The following FAF1 variants were observed in gnomAD, a reference collection of about 807,000 sequenced individuals.
FAF1 encodes FAS-associated factor 1.
A neutral mutation model predicts 92.5 loss-of-function variants in FAF1; 25 were observed. The ratio of observed to expected loss-of-function variants is 0.27; its 90% confidence interval spans 0.20 to 0.38. The LOEUF (loss-of-function observed/expected upper bound fraction) is 0.38, where lower values mean the gene tolerates loss of function less well. Ranked by LOEUF, FAF1 falls within the 10% of genes least tolerant of loss-of-function variation. The pLI, the probability that FAF1 is intolerant of heterozygous loss-of-function variation, is 1.00. For missense variants in FAF1, 636 were observed against 793.3 expected (o/e 0.80, Z 2.38); for synonymous variants, 234 against 273.2 (o/e 0.86, Z 1.42).
At position 50,475,504 on chromosome 1, in the gene FAF1, C is replaced by A; in HGVS notation, c.1829G>T (p.Trp610Leu). 6.2e-7 allele frequency: 1 copy of A among 1,614,100 alleles called. No individual in the cohort carries two copies. Among genetic ancestry groups the A allele is most frequent in the Non-Finnish European group, 8.5e-7 (1 of 1,179,974 alleles). The change falls in exon 18 of 19, where the codon TGG (tryptophan) becomes TTG (leucine). Residue 610 changes from tryptophan to leucine, a missense_variant. Physicochemically the swap from Trp to Leu is moderately conservative, Grantham distance 61. Coordinates refer to ENST00000396153, the MANE Select transcript of FAF1 (RefSeq NM_007051.3). Reference sequence around the variant, plus strand: ...GGTGCTCAGTAACTTGTACTCATCCCATGGAAATCCTTTGGAAGCTACAAA... The same window carrying A: ...GGTGCTCAGTAACTTGTACTCATCCAATGGAAATCCTTTGGAAGCTACAAA... ...FDFVASKGFP[W>L]DEYKLLSTFP...
intron 6 of FAF1, among the ~76,000 whole-genome samples, chr1:50,716,333 A>T (rs1658170661): frequency 6.6e-6 from 1 of 152,236 alleles, no homozygotes; most frequent in East Asian, 1.9e-4. Flanking sequence ...AGCTAAACTA[A>T]CCCATAGCCC....
At chr1:50,779,477 G>A (rs1189014211) in intron 4 of FAF1, among the ~76,000 whole-genome samples, 1 of 151,952 alleles carries the variant, frequency 6.6e-6, no homozygotes, top group Non-Finnish European at 1.5e-5. Context: ...CATGATCCAT[G>A]GGCTGCAGAA....
chr1:50,633,854 ATC>A (rs1436772307), intron 8 of FAF1, among the ~76,000 whole-genome samples: 1 of 152,210 alleles, frequency 6.6e-6, no homozygotes. Flanking sequence ...CTGTAATTTT[ATC>A]TCTTTTATAC....
chr1:50,801,650 C>T lies in FAF1; in HGVS notation c.142G>A (p.Glu48Lys), dbSNP rs1251635298. Residue 48 changes from glutamate to lysine, a missense_variant, in exon 3 of 19, where the codon GAA becomes AAA. Around this residue, in one of 2 missense-constraint regions of FAF1, gnomAD observed 317 missense variants for 342.4 expected, o/e 0.93. Coordinates refer to ENST00000396153, the MANE Select transcript of FAF1 (RefSeq NM_007051.3). ...VAAINGVIPQ[E>K]NGILQSEYGG... ...ACATACCTTTGTAGAATGCCATTTT[C>T]CTGTGGTATTACACCATTGATAGCT... 6.3e-7 allele frequency: 1 copy of T among 1,595,612 alleles called. No individual in the cohort carries two copies. The highest frequency in any genetic ancestry group is 1.7e-5 in the Admixed American group (1 of 59,988).
At chr1:50,717,622 A>G (rs1350696470) in intron 6 of FAF1, among the ~76,000 whole-genome samples, 2 of 152,182 alleles carry the variant, frequency 1.3e-5, no homozygotes, top group African/African-American at 4.8e-5. Context: ...TACAAATCCA[A>G]ATTGAAATCT....
intron 1 of FAF1, among the ~76,000 whole-genome samples, chr1:50,887,150 A>G (rs1280932218): frequency 6.6e-6 from 1 of 152,142 alleles, no homozygotes; most frequent in African/African-American, 2.4e-5. Context: ...GCATTTTTTC[A>G]TGTGTCTGTT....
At chr1:50,846,756 C>A in intron 2 of FAF1, 1 of 698,874 alleles carries the variant, frequency 1.4e-6, no homozygotes, top group Non-Finnish European at 2.6e-6. Flanking sequence ...CAAACACCCT[C>A]TGACCCAGGA....
chr1:50,833,124 C>T (rs1644169587), intron 2 of FAF1, among the ~76,000 whole-genome samples: 1 of 152,012 alleles, frequency 6.6e-6, no homozygotes. Flanking sequence ...ACACTAACTA[C>T]CCAGAGTTAG....
At chr1:50,682,779 G>C (rs551845027) in intron 7 of FAF1, among the ~76,000 whole-genome samples, 1 of 152,228 alleles carries the variant, frequency 6.6e-6, no homozygotes, top group Non-Finnish European at 1.5e-5. Context: ...GCTATTTTTA[G>C]TCTTTTAATA....
At chr1:50,672,432 C>G (rs1170714846) in intron 7 of FAF1, among the ~76,000 whole-genome samples, 6 of 151,956 alleles carry the variant, frequency 3.9e-5, no homozygotes, top group African/African-American at 1.5e-4. Context: ...CAGGGTATCA[C>G]CCAGCTAATT....
chr1:50,627,916 G>A (rs535508233), intron 8 of FAF1, among the ~76,000 whole-genome samples: 1 of 151,968 alleles, frequency 6.6e-6, no homozygotes, highest in African/African-American at 2.4e-5. Flanking sequence ...GCAGTCATTC[G>A]TACCTAAAGA....
intron 1 of FAF1, among the ~76,000 whole-genome samples, chr1:50,930,728 G>A (rs911532811): frequency 7.9e-5 from 12 of 152,084 alleles, no homozygotes; most frequent in Admixed American, 2.0e-4. Context: ...CCAGCTACTC[G>A]GGAGGTGGAG....
intron 18 of FAF1, among the ~76,000 whole-genome samples, chr1:50,445,663 C>G (rs1383540654): frequency 2.6e-5 from 4 of 152,164 alleles, no homozygotes; most frequent in Non-Finnish European, 5.9e-5. Context: ...TGGGACTTTA[C>G]TGAATTATCG....
At chr1:50,456,121 TGCCTAGGCTA>T (rs900754777) in intron 18 of FAF1, among the ~76,000 whole-genome samples, 2 of 152,024 alleles carry the variant, frequency 1.3e-5, no homozygotes, top group African/African-American at 4.8e-5. Context: ...TTCACTATGT[TGCCTAGGCTA>T]GAGTGCAGTG....
chr1:50,456,078 CA>C (rs200522407), intron 18 of FAF1, among the ~76,000 whole-genome samples: 1 of 150,814 alleles, frequency 6.6e-6, no homozygotes, highest in Non-Finnish European at 1.5e-5. Flanking sequence ...CTGCTTTAAA[CA>C]AAAAAAAATT....
chr1:50,668,635 G>A (rs1420032713), intron 7 of FAF1, among the ~76,000 whole-genome samples: 1 of 152,144 alleles, frequency 6.6e-6, no homozygotes. Context: ...CACTATGAAA[G>A]AAAGTCTACT....
intron 7 of FAF1, among the ~76,000 whole-genome samples, chr1:50,700,817 A>G (rs1255588079): frequency 6.6e-6 from 1 of 152,130 alleles, no homozygotes; most frequent in Non-Finnish European, 1.5e-5. Context: ...TATGGGCCAA[A>G]AAAGATATCC....
In FAF1 at chr1:50,659,519, T is replaced by A. The variant is rs187197985; in HGVS notation, c.658-3991A>T. The stretch of plus-strand genomic sequence containing the variant: ...CTGACGGAGTTTCATCTTTAGAGTA[T>A]GTTAAATTCCAGTTAAGGACAAGTG... On this transcript the variant is annotated intron_variant, in intron 7 of 18. Coordinates refer to ENST00000396153, the MANE Select transcript of FAF1 (RefSeq NM_007051.3). Among the ~76,000 whole-genome samples the A allele has an allele frequency of 2.6e-4, 39 of 152,294 alleles. 1 individual carries two copies. The highest frequency in any genetic ancestry group is 8.7e-4 in the African/African-American group (36 of 41,568).
chr1:50,458,295 A>G (rs146420986), intron 18 of FAF1, among the ~76,000 whole-genome samples: 3 of 152,220 alleles, frequency 2.0e-5, no homozygotes, highest in Non-Finnish European at 2.9e-5. Context: ...TATGTTCAGC[A>G]TAGTATGGGG....
Sources: allele counts gnomAD v4.1 joint callset (sites outside exome capture counted in the v4.1 genomes callset), GRCh38; gene constraint gnomAD v4.1.1; regional missense constraint gnomAD v4.1.1; transcripts MANE v1.5; gene names NCBI Gene and HGNC (gene_info 2026-07-23, HGNC 2026-07-21).